The following PRPF8 variants were observed in gnomAD, a reference collection of about 807,000 sequenced individuals.
PRPF8 encodes the protein pre-mRNA processing factor 8.
Under a neutral mutation model 285.9 loss-of-function variants are expected in PRPF8, and 64 were observed. That is an observed-to-expected ratio of 0.22 (90% CI 0.18 to 0.28). The LOEUF (loss-of-function observed/expected upper bound fraction) is 0.28. PRPF8 is among the 10% of genes least tolerant of loss of function. The probability of loss-of-function intolerance (pLI) is 1.00; values close to 1 mark genes in which losing one functional copy is unlikely to be tolerated. For synonymous variants in PRPF8, 1,325 were observed against 1,118.2 expected (o/e 1.18, Z -3.69); for missense variants, 1,426 against 3,026.7 (o/e 0.47, Z 12.41).
chr17:1,655,288 C>A (rs570413321), intron 37 of PRPF8, 62 bp downstream of exon 37: 2 of 1,592,342 alleles, frequency 1.3e-6, no homozygotes, highest in African/African-American at 1.3e-5. Context: ...CTAAGTGCTT[C>A]CAAAAAACCC....
Position 1,661,145 on chromosome 17 carries a change from C to A in PRPF8, c.4356G>T (p.Pro1452=), listed in dbSNP as rs779354849. The A allele has an allele frequency of 1.2e-6, 2 of 1,614,032 alleles. No individual in the cohort carries two copies. Among genetic ancestry groups the A allele is most frequent in the Admixed American group, 1.7e-5 (1 of 59,996 alleles). Residue 1452 remains proline, a synonymous_variant, in exon 28 of 43, where the codon CCG becomes CCT. Coordinates refer to ENST00000304992, the MANE Select transcript of PRPF8 (RefSeq NM_006445.4). This position sits in a 1 kb window ranked among gnomAD's most constrained non-coding sequence, Gnocchi z 7.3. ...CATGCCGCTGGTGTGTCCACCAGAACGGATTCTGCTTCAAAACCTAGATGG... is the reference window on the plus strand; with the variant it reads ...CATGCCGCTGGTGTGTCCACCAGAAAGGATTCTGCTTCAAAACCTAGATGG... ...FKQYQVLKQN[P]FWWTHQRHDG... is the part of the protein sequence containing the mutation.
chr17:1,677,652 C>A lies in PRPF8; in HGVS notation c.1897G>T (p.Gly633Cys), dbSNP rs753143915. 1 of 1,613,854 alleles carries A rather than the reference C, an allele frequency of 6.2e-7. No homozygotes were observed. ...ATGAAAAAGAGCCAGACTCGCCAAC[C>A]GGCAGCCCAGAAGCCACAGCCAGGA... is the stretch of plus-strand genomic sequence containing the variant. ...KGPGCGFWAA[G>C]WRVWLFFMRG... is the part of the protein sequence containing the mutation. Residue 633 changes from glycine to cysteine, a missense_variant, in exon 14 of 43, where the codon GGT (glycine) becomes TGT (cysteine). Physicochemically the swap from Gly to Cys is radical, Grantham distance 159. Transcript: ENST00000304992.
chr17:1,664,587 G>A (rs937067962), intron 24 of PRPF8, among the ~76,000 whole-genome samples: 6 of 145,296 alleles, frequency 4.1e-5, no homozygotes, highest in Non-Finnish European at 8.8e-5. Flanking sequence ...CAGGAGGATC[G>A]CTTGCGCCCA....
chr17:1,656,729 G>T lies in PRPF8; in HGVS notation c.5538C>A (p.Ala1846=). ...CCACAGGCAGAGATCGGATCAGGGC[G>T]GCCACCTCCTCAGCTGTCTTCCACT... The part of the protein sequence containing the change: ...LAKWKTAEEV[A]ALIRSLPVEE... Residue 1846 remains alanine, a synonymous_variant, in exon 35 of 43, where the codon GCC becomes GCA. Transcript: ENST00000304992. 1 of 1,613,944 alleles carries T rather than the reference G, an allele frequency of 6.2e-7. No individual in the cohort carries two copies. The highest frequency in any genetic ancestry group is 1.3e-5 in the African/African-American group (1 of 74,962).
intron 21 of PRPF8, 94 bp downstream of exon 21, chr17:1,674,348 A>T: frequency 7.8e-7 from 1 of 1,279,440 alleles, no homozygotes; most frequent in Non-Finnish European, 1.1e-6. Flanking sequence ...AAGCCCCAAC[A>T]GCAGTTAAGT....
chr17:1,684,644 C>G (rs1913141781), intron 1 of PRPF8, 62 bp from the exon 2 acceptor site: 3 of 1,495,412 alleles, frequency 2.0e-6, no homozygotes, highest in Non-Finnish European at 2.8e-6. Flanking sequence ...AGAAGCGCAG[C>G]AGAAAGGCGT....
intron 24 of PRPF8, among the ~76,000 whole-genome samples, chr17:1,669,298 G>A (rs1912177509): frequency 1.3e-5 from 2 of 152,102 alleles, no homozygotes; most frequent in African/African-American, 4.8e-5. Flanking sequence ...GTAGAGACGG[G>A]GTTTCACCAT....
intron 24 of PRPF8, among the ~76,000 whole-genome samples, chr17:1,665,437 C>T (rs559990454): frequency 1.3e-5 from 2 of 152,038 alleles, no homozygotes; most frequent in East Asian, 1.9e-4. Flanking sequence ...ACTCAGGAGG[C>T]TGAGGCAGGA....
At chr17:1,665,494 C>T (rs1251460576) in intron 24 of PRPF8, among the ~76,000 whole-genome samples, 5 of 150,810 alleles carry the variant, frequency 3.3e-5, no homozygotes, top group East Asian at 2.0e-4. Flanking sequence ...GCCAAGATTG[C>T]GCCACTGCAC....
At chr17:1,669,296 G>A (rs1286164689) in intron 24 of PRPF8, among the ~76,000 whole-genome samples, 2 of 152,056 alleles carry the variant, frequency 1.3e-5, no homozygotes, top group Non-Finnish European at 2.9e-5. Flanking sequence ...TAGTAGAGAC[G>A]GGGTTTCACC....
At chr17:1,652,139 TTAAG>T (rs1911112943) in intron 39 of PRPF8, 2 of 409,978 alleles carry the variant, frequency 4.9e-6, no homozygotes, top group South Asian at 4.6e-5. Flanking sequence ...TGGTGCTATT[TTAAG>T]TTTTACATTA....
chr17:1,679,444 T>C lies in PRPF8; in HGVS notation c.1290-34A>G, dbSNP rs780492885. The C allele has an allele frequency of 1.9e-6, 3 of 1,611,900 alleles. No homozygotes were observed. The East Asian group carries it at 6.7e-5, about 36-fold the overall frequency. ...ATAAGCCCACCAGAGTTTGGCCATCTCTTCTTCCAGACACTCTGCTAAAGG... is the reference window on the plus strand; with the variant it reads ...ATAAGCCCACCAGAGTTTGGCCATCCCTTCTTCCAGACACTCTGCTAAAGG... On this transcript the variant is annotated intron_variant, in intron 9 of 42. Coordinates refer to ENST00000304992, the MANE Select transcript of PRPF8 (RefSeq NM_006445.4). The surrounding 1 kb of genome is among the most constrained non-coding windows in gnomAD (Gnocchi z 4.7).
In PRPF8 at chr17:1,659,530, G is replaced by A. The variant is rs778604483; in HGVS notation, c.4965C>T (p.Thr1655=). ...LADSKDVMDS[T]TTQKYWIDIQ... is the part of the protein sequence containing the mutation. The stretch of plus-strand genomic sequence containing the variant: ...TGTCAATCCAGTATTTCTGGGTGGT[G>A]GTGCTGTCCATCACATCCCTGAGGA... Residue 1655 remains threonine (T), a synonymous_variant, in exon 32 of 43, where the codon ACC becomes ACT. Transcript: ENST00000304992. This position sits in a 1 kb window ranked among gnomAD's most constrained non-coding sequence, Gnocchi z 5.1. 7.4e-6 allele frequency: 12 copies of A among 1,614,104 alleles called. No homozygotes were observed. The highest frequency in any genetic ancestry group is 1.0e-5 in the Non-Finnish European group (12 of 1,180,036).
chr17:1,676,606 G>A lies in PRPF8; in HGVS notation c.2287C>T (p.Arg763Ter), dbSNP rs2151128210. The stretch of plus-strand genomic sequence containing the variant: ...ACAGTCTTGTCCACAGTGGCCCCTC[G>A]GCGGATCCGTTCTCGGTTGTAGTGG... ...TAHYNRERIR[R>*]GATVDKTVCK... The change falls in exon 16 of 43, where the codon CGA becomes TGA. Residue 763 changes from arginine (R) to a stop codon, truncating the protein, a stop_gained. Coordinates refer to ENST00000304992, the MANE Select transcript of PRPF8 (RefSeq NM_006445.4). LOFTEE classifies it high-confidence loss of function. The surrounding 1 kb of genome is among the most constrained non-coding windows in gnomAD (Gnocchi z 6.3). 1.2e-6 allele frequency: 2 copies of A among 1,614,120 alleles called. No individual in the cohort carries two copies. The highest frequency in any genetic ancestry group is 8.5e-7 in the Non-Finnish European group (1 of 1,180,028).
In PRPF8 at chr17:1,675,464, T is replaced by C. The variant is rs561836774; in HGVS notation, c.2873-125A>G. On this transcript the variant is annotated intron_variant, in intron 19 of 42. Transcript: ENST00000304992. This position sits in a 1 kb window ranked among gnomAD's most constrained non-coding sequence, Gnocchi z 6.0. The stretch of plus-strand genomic sequence containing the variant: ...ATTCCACGTATTCATTTGGATTGCT[T>C]TGACTATGGGCTTTTCCTCAGTTTA... The C allele has an allele frequency of 8.0e-4, 1,170 of 1,453,458 alleles. 1 individual carries two copies. Among genetic ancestry groups the C allele is most frequent in the Non-Finnish European group, 1.1e-3 (1,116 of 1,039,166 alleles). 90.0% of individuals were successfully genotyped at this position (1,453,458 alleles called of 1,614,324 possible).
rs1382307271 is a variant in PRPF8, at chr17:1,673,794, C to A, written c.3398G>T (p.Cys1133Phe). 1.1e-5 allele frequency: 17 copies of A among 1,614,034 alleles called. No homozygotes were observed. The highest frequency in any genetic ancestry group is 1.4e-5 in the Non-Finnish European group (16 of 1,180,044). Reference sequence around the variant, plus strand: ...GCGCATGCGGGCATCTCGGGGCCAGCACTTCTTGTTATTATAGCCAACGAT... The same window carrying A: ...GCGCATGCGGGCATCTCGGGGCCAGAACTTCTTGTTATTATAGCCAACGAT... ...ENIVGYNNKK[C>F]WPRDARMRLM... The change falls in exon 22 of 43, where the codon TGC (cysteine) becomes TTC (phenylalanine). Residue 1133 changes from cysteine (C) to phenylalanine (F), a missense_variant. Cys to Phe is a radical substitution (Grantham distance 205). Around this residue, in one of 34 missense-constraint regions of PRPF8, gnomAD observed 148 missense variants for 196.2 expected, o/e 0.75. Transcript: ENST00000304992. This position sits in a 1 kb window ranked among gnomAD's most constrained non-coding sequence, Gnocchi z 5.5.
Position 1,673,928 on chromosome 17 carries a change from A to G in PRPF8, c.3300-36T>C. The stretch of plus-strand genomic sequence containing the variant: ...CCAGGTACACTGCTGAGGCCCCAGT[A>G]CACTGAGATTTGGGACACCCACAAG... On this transcript the variant is annotated intron_variant, in intron 21 of 42. Coordinates refer to ENST00000304992, the MANE Select transcript of PRPF8 (RefSeq NM_006445.4). This position sits in a 1 kb window ranked among gnomAD's most constrained non-coding sequence, Gnocchi z 5.5. 6.2e-7 allele frequency: 1 copy of G among 1,607,598 alleles called. No individual in the cohort carries two copies. The highest frequency in any genetic ancestry group is 8.5e-7 in the Non-Finnish European group (1 of 1,179,922).
chr17:1,662,259 A>G, intron 24 of PRPF8, 106 bp from the exon 25 acceptor site: 1 of 1,285,176 alleles, frequency 7.8e-7, no homozygotes, highest in Non-Finnish European at 1.1e-6. Flanking sequence ...GAAAGATTTG[A>G]GTTCAACATC....
chr17:1,650,678 A>T lies in PRPF8; in HGVS notation c.*124T>A, dbSNP rs1910979132. Reference sequence around the variant, plus strand: ...TATATTTTATTCAGGATGACAAGCCATCAGGAGGTCAACAACACAAGCACA... The same window carrying T: ...TATATTTTATTCAGGATGACAAGCCTTCAGGAGGTCAACAACACAAGCACA... On this transcript the variant is annotated 3_prime_UTR_variant, in exon 43 of 43. Coordinates refer to ENST00000304992, the MANE Select transcript of PRPF8 (RefSeq NM_006445.4). 4 of 1,090,148 alleles carry T rather than the reference A, an allele frequency of 3.7e-6. No homozygotes were observed. Among genetic ancestry groups the T allele is most frequent in the Non-Finnish European group, 5.6e-6 (4 of 714,092 alleles). The allele number at this position is 1,090,148 out of a possible 1,614,324, so 67.5% of individuals were successfully genotyped here.
Sources: allele counts gnomAD v4.1 joint callset (sites outside exome capture counted in the v4.1 genomes callset), GRCh38; gene constraint gnomAD v4.1.1; regional missense constraint gnomAD v4.1.1; non-coding constraint Gnocchi (gnomAD v3.1); transcripts MANE v1.5; gene names NCBI Gene and HGNC (gene_info 2026-07-23, HGNC 2026-07-21).